Variants in CALR3 observed in about 807,000 individuals in gnomAD.
The protein encoded by CALR3 is calreticulin-3.
In CALR3, 39 loss-of-function variants were observed where a neutral mutation model predicts 48.7. The observed-to-expected ratio is 0.80, with a 90% CI of 0.62 to 1.05. CALR3 has a LOEUF of 1.05. Among genes scored for constraint, CALR3 ranks in the 50% least tolerant of loss-of-function variants. The probability of loss-of-function intolerance (pLI) is 0.00; values close to 1 mark genes in which losing one functional copy is unlikely to be tolerated. For missense variants in CALR3, 449 were observed against 474.7 expected, an observed-to-expected ratio of 0.95 and a Z score of 0.50; for synonymous variants, 185 against 172.7, an observed-to-expected ratio of 1.07 and a Z score of -0.56.
rs1421272989 is a variant in CALR3 at position 16,489,730 on chromosome 19, AC to A, written c.397+636del. Among the ~76,000 whole-genome samples, 99 of 152,048 alleles carry A rather than the reference AC, an allele frequency of 6.5e-4. 1 individual carries two copies. The highest frequency in any genetic ancestry group is 6.4e-3 in the Admixed American group (98 of 15,222). On this transcript the variant is annotated intron_variant, in intron 3 of 8. Transcript: ENST00000269881. Reference sequence around the variant, plus strand: ...AGGCTGAGATAGGAGAATCACTTGAACCCAGGAGGCGGAGATTGCAGTGAGG... The same window carrying A: ...AGGCTGAGATAGGAGAATCACTTGAACCAGGAGGCGGAGATTGCAGTGAGG...
chr19:16,495,337 G>A (rs2093405392), intron 2 of CALR3, among the ~76,000 whole-genome samples: 1 of 151,762 alleles, frequency 6.6e-6, no homozygotes, highest in African/African-American at 2.4e-5. Flanking sequence ...GGCCAAGGTG[G>A]GTGGATCATG....
At chr19:16,485,747 G>A (rs745318958) in intron 3 of CALR3, among the ~76,000 whole-genome samples, 7 of 151,990 alleles carry the variant, frequency 4.6e-5, no homozygotes, top group African/African-American at 7.2e-5. Flanking sequence ...TCCGCCTCCC[G>A]GGTTTAAGTG....
At chr19:16,483,019 ATGTTT>A (rs1274283126) in intron 5 of CALR3, among the ~76,000 whole-genome samples, 3 of 151,548 alleles carry the variant, frequency 2.0e-5, no homozygotes, top group Non-Finnish European at 4.4e-5. Flanking sequence ...TACTATTTTT[ATGTTT>A]TGTACAGTCA....
intron 8 of CALR3, among the ~76,000 whole-genome samples, chr19:16,479,835 C>A (rs561827957): frequency 6.6e-6 from 1 of 152,182 alleles, no homozygotes; most frequent in Admixed American, 6.6e-5. Context: ...AAATGCATGT[C>A]AGTACTCAGG....
intron 4 of CALR3, 101 bp downstream of exon 4, chr19:16,485,062 C>T (rs1463393625): frequency 1.2e-6 from 1 of 807,930 alleles, no homozygotes; most frequent in Non-Finnish European, 2.1e-6. Flanking sequence ...CTACAAAGAC[C>T]CATCCCTGGC....
chr19:16,495,119 A>G (rs898383385), intron 2 of CALR3, among the ~76,000 whole-genome samples: 3 of 151,774 alleles, frequency 2.0e-5, no homozygotes, highest in Non-Finnish European at 4.4e-5. Context: ...GCAGCTCCTC[A>G]GAAGCCTGAA....
Position 16,490,387 on chromosome 19 carries a change from G to T in CALR3, c.377C>A (p.Ser126Ter). ...CTCACCAAACATAATATAGTACTGC[G>T]ATTTTCCATTCAGGTTCTTCTGGTC... ...DIDQKNLNGK[S>*]QYYIMFGPDI... Residue 126 changes from serine to a stop codon, truncating the protein, a stop_gained, in exon 3 of 9, where the codon TCG becomes TAG. Transcript: ENST00000269881. LOFTEE classifies it high-confidence loss of function. The T allele has an allele frequency of 3.7e-6, 6 of 1,614,112 alleles. No homozygotes were observed. Among genetic ancestry groups the T allele is most frequent in the Non-Finnish European group, 5.1e-6 (6 of 1,180,004 alleles).
At chr19:16,487,448 C>G (rs1463991376) in intron 3 of CALR3, among the ~76,000 whole-genome samples, 1 of 145,514 alleles carries the variant, frequency 6.9e-6, no homozygotes. Context: ...CCGTTGCACT[C>G]CAGCCTGGGC....
At chr19:16,489,223 G>T (rs572329967) in intron 3 of CALR3, among the ~76,000 whole-genome samples, 1 of 152,328 alleles carries the variant, frequency 6.6e-6, no homozygotes, top group Admixed American at 6.5e-5. Context: ...GGTGGCTCAC[G>T]CCTGTAATCC....
intron 2 of CALR3, among the ~76,000 whole-genome samples, chr19:16,495,430 G>C (rs1042529943): frequency 6.6e-6 from 1 of 150,474 alleles, no homozygotes; most frequent in Non-Finnish European, 1.5e-5. Flanking sequence ...ATGGTGGCGC[G>C]CGCCTGTAGT....
intron 2 of CALR3, among the ~76,000 whole-genome samples, chr19:16,491,914 C>A (rs1050665397): frequency 1.3e-5 from 2 of 151,778 alleles, no homozygotes; most frequent in Non-Finnish European, 2.9e-5. Flanking sequence ...CTGCAACCTC[C>A]GCCTCCCAGG....
intron 3 of CALR3, among the ~76,000 whole-genome samples, chr19:16,488,014 T>A (rs1054501994): frequency 2.0e-5 from 3 of 152,174 alleles, no homozygotes; most frequent in South Asian, 2.1e-4. Context: ...GGGGTTTCAC[T>A]GTGTTAGCCA....
intron 8 of CALR3, among the ~76,000 whole-genome samples, chr19:16,480,090 C>A (rs2093378159): frequency 6.6e-6 from 1 of 150,866 alleles, no homozygotes; most frequent in Non-Finnish European, 1.5e-5. Context: ...GTAGTCCCAG[C>A]TACTCGGGAG....
intron 2 of CALR3, among the ~76,000 whole-genome samples, chr19:16,494,437 C>T (rs1599722778): frequency 6.6e-6 from 1 of 151,932 alleles, no homozygotes; most frequent in South Asian, 2.1e-4. Context: ...TCTCTGCTCA[C>T]TGCAACCTCT....
chr19:16,483,106 AAGTGCTGGTATTACAGGC>A (rs2093383646), intron 5 of CALR3, among the ~76,000 whole-genome samples: 1 of 152,120 alleles, frequency 6.6e-6, no homozygotes, highest in South Asian at 2.1e-4. Flanking sequence ...TGACCTCTGG[AAGTGCTGGTATTACAGGC>A]ATTAGCCACC....
At chr19:16,484,565 T>A (rs746891240) in intron 4 of CALR3, among the ~76,000 whole-genome samples, 3 of 152,130 alleles carry the variant, frequency 2.0e-5, no homozygotes, top group African/African-American at 7.2e-5. Context: ...TCACCCAGGC[T>A]GGAGTGCAGT....
chr19:16,483,829 A>G, intron 5 of CALR3, 101 bp downstream of exon 5: 1 of 1,235,576 alleles, frequency 8.1e-7, no homozygotes, highest in Non-Finnish European at 1.2e-6. Context: ...GTTCTATAAT[A>G]TTGCCATCGT....
At chr19:16,494,509 G>C (rs1425786262) in intron 2 of CALR3, among the ~76,000 whole-genome samples, 2 of 152,018 alleles carry the variant, frequency 1.3e-5, no homozygotes, top group Non-Finnish European at 2.9e-5. Context: ...CTACAGGCAT[G>C]AGCCACCACA....
Position 16,485,220 on chromosome 19 carries a change from A to G in CALR3, c.435T>C (p.His145=). The change falls in exon 4 of 9, where the codon CAT becomes CAC. Residue 145 remains histidine (H), a synonymous_variant. Transcript: ENST00000269881. Reference sequence around the variant, plus strand: ...ACTTATTCTTGAAATGTAAAATAACATGAACTTTCTTGATATCAAATCCAC... The same window carrying G: ...ACTTATTCTTGAAATGTAAAATAACGTGAACTTTCTTGATATCAAATCCAC... ...DICGFDIKKV[H]VILHFKNKYH... 4 of 1,610,926 alleles carry G rather than the reference A, an allele frequency of 2.5e-6. No individual in the cohort carries two copies. The highest frequency in any genetic ancestry group is 1.7e-4 in the Middle Eastern group (1 of 6,056).
Sources: allele counts gnomAD v4.1 joint callset (sites outside exome capture counted in the v4.1 genomes callset), GRCh38; gene constraint gnomAD v4.1.1; transcripts MANE v1.5; gene names NCBI Gene and HGNC (gene_info 2026-07-23, HGNC 2026-07-21).